ANO2: variants seen among roughly 807,000 people sequenced by gnomAD.
ANO2 encodes anoctamin-2.
ANO2 carries 101 observed loss-of-function variants against 124.2 expected under a neutral mutation model. That is an observed-to-expected ratio of 0.81 (90% CI 0.69 to 0.96). The LOEUF is 0.96. Among genes scored for constraint, ANO2 ranks in the 40% least tolerant of loss-of-function variants. The pLI, the probability that ANO2 is intolerant of heterozygous loss-of-function variation, is 0.00. For synonymous variants in ANO2, 486 were observed against 482.5 expected, an observed-to-expected ratio of 1.01 and a Z score of -0.09; for missense variants, 1,293 against 1,274.5, an observed-to-expected ratio of 1.01 and a Z score of -0.22.
In ANO2 at chr12:5,670,721, A is replaced by G. The variant is rs1240521512; in HGVS notation, c.1546-22920T>C. Among the ~76,000 whole-genome samples the G allele has an allele frequency of 2.0e-5, 3 of 151,888 alleles. No homozygotes were observed. In the East Asian group the frequency reaches 5.8e-4, roughly 29 times the overall value. ...GGCTAATTTTTTTTTAAAAAATGTT[A>G]TAGAGATGAGGTCTCTTCATGTTGC... On this transcript the variant is annotated intron_variant, in intron 14 of 24. Transcript: ENST00000682330.
intron 20 of ANO2, among the ~76,000 whole-genome samples, chr12:5,587,603 C>T (rs970508369): frequency 6.6e-6 from 1 of 152,166 alleles, no homozygotes; most frequent in African/African-American, 2.4e-5. Flanking sequence ...TCTCTTGGGC[C>T]AGTTTTCTTT....
intron 10 of ANO2, among the ~76,000 whole-genome samples, chr12:5,778,449 T>C (rs757816525): frequency 6.6e-6 from 1 of 152,202 alleles, no homozygotes; most frequent in South Asian, 2.1e-4. Flanking sequence ...AATAAATAAA[T>C]GAAAGAATAA....
At chr12:5,591,859 C>T (rs1158054) in intron 20 of ANO2, among the ~76,000 whole-genome samples, 28,116 of 152,010 alleles carry the variant, frequency 0.18, 3,196 homozygotes, top group East Asian at 0.34. Flanking sequence ...GACACCACAG[C>T]GCTGCCCCGG....
chr12:5,572,451 C>A (rs1942181642), intron 23 of ANO2, among the ~76,000 whole-genome samples: 1 of 152,220 alleles, frequency 6.6e-6, no homozygotes. Flanking sequence ...TGAAAATCCC[C>A]TAAACACTTA....
intron 14 of ANO2, among the ~76,000 whole-genome samples, chr12:5,718,645 T>C (rs1383363270): frequency 2.6e-5 from 4 of 152,236 alleles, no homozygotes; most frequent in African/African-American, 9.6e-5. Context: ...TAATACATAA[T>C]GTAAGCAGAG....
At position 5,635,419 on chromosome 12, in the gene ANO2, A is replaced by G. The variant is rs1378022869; in HGVS notation, c.1621-72T>C. On this transcript the variant is annotated intron_variant, in intron 15 of 24. Coordinates refer to ENST00000682330, the MANE Select transcript of ANO2 (RefSeq NM_001364791.2). This position sits in a 1 kb window ranked among gnomAD's most constrained non-coding sequence, Gnocchi z 5.2. The stretch of plus-strand genomic sequence containing the variant: ...AGCACCTACTATTTGCTCTGCCAAC[A>G]GTACCATTTGCTGTTATCAGATATT... 4.9e-6 allele frequency: 6 copies of G among 1,216,114 alleles called. No individual in the cohort carries two copies. Among genetic ancestry groups the G allele is most frequent in the Non-Finnish European group, 6.6e-6 (6 of 907,848 alleles). 75.3% of individuals were successfully genotyped at this position (1,216,114 alleles called of 1,614,324 possible). A position where few individuals can be genotyped will look rare whatever the true frequency, so the allele number is the denominator to read the frequency against.
At chr12:5,695,815 T>G (rs1949149521) in intron 14 of ANO2, among the ~76,000 whole-genome samples, 1 of 152,208 alleles carries the variant, frequency 6.6e-6, no homozygotes, top group African/African-American at 2.4e-5. Flanking sequence ...CACTTCAGCC[T>G]GGGTGACAGA....
intron 1 of ANO2, among the ~76,000 whole-genome samples, chr12:5,924,612 C>T (rs1941992825): frequency 6.6e-6 from 1 of 152,236 alleles, no homozygotes; most frequent in South Asian, 2.1e-4. Flanking sequence ...CTGAGTCAGG[C>T]AAGACGCTGC....
intron 14 of ANO2, among the ~76,000 whole-genome samples, chr12:5,669,394 T>G (rs1246618861): frequency 6.6e-6 from 1 of 152,168 alleles, no homozygotes; most frequent in African/African-American, 2.4e-5. Context: ...TGATTGTGTA[T>G]CCTGAGACTT....
At chr12:5,716,752 A>C (rs1950039821) in intron 14 of ANO2, among the ~76,000 whole-genome samples, 1 of 152,176 alleles carries the variant, frequency 6.6e-6, no homozygotes, top group African/African-American at 2.4e-5. Flanking sequence ...CTTCCTGGAG[A>C]ATCACGAAGC....
At chr12:5,667,215 T>A (rs573787314) in intron 14 of ANO2, among the ~76,000 whole-genome samples, 5 of 152,310 alleles carry the variant, frequency 3.3e-5, no homozygotes, top group African/African-American at 1.2e-4. Flanking sequence ...CAGACTTTAG[T>A]GAGTTCTATG....
chr12:5,766,454 G>A (rs1951893232), intron 10 of ANO2, among the ~76,000 whole-genome samples: 1 of 152,190 alleles, frequency 6.6e-6, no homozygotes, highest in African/African-American at 2.4e-5. Flanking sequence ...AGATACCAGA[G>A]TATATATGTA....
rs370339493 is a variant in ANO2 at position 5,704,100 on chromosome 12, C to T, written c.1545+28420G>A. On this transcript the variant is annotated intron_variant, in intron 14 of 24. Transcript: ENST00000682330. ...TGAGTGCTATTTTTGAGGTTTTTCA[C>T]GCTTAGATCAAAAGAACAAAAAGAT... Among the ~76,000 whole-genome samples, 22 of 152,098 alleles carry T rather than the reference C, an allele frequency of 1.4e-4. No individual in the cohort carries two copies. In the East Asian group the frequency reaches 1.5e-3, roughly 11 times the overall value.
At chr12:5,664,841 G>A (rs930644950) in intron 14 of ANO2, among the ~76,000 whole-genome samples, 4 of 152,188 alleles carry the variant, frequency 2.6e-5, no homozygotes, top group Non-Finnish European at 4.4e-5. Context: ...GGAAAGGCTT[G>A]GAGAAGTCCT....
At chr12:5,799,924 C>T (rs1161477183) in intron 9 of ANO2, among the ~76,000 whole-genome samples, 1 of 152,216 alleles carries the variant, frequency 6.6e-6, no homozygotes, top group Non-Finnish European at 1.5e-5. Context: ...GGCACTGTCC[C>T]CACACTGGAT....
chr12:5,800,071 G>A (rs1336891591), intron 9 of ANO2, among the ~76,000 whole-genome samples: 1 of 152,342 alleles, frequency 6.6e-6, no homozygotes, highest in East Asian at 1.9e-4. Context: ...AGGGAGAGGA[G>A]TAGGGTGCTG....
At chr12:5,669,856 T>A (rs1267646239) in intron 14 of ANO2, among the ~76,000 whole-genome samples, 1 of 152,212 alleles carries the variant, frequency 6.6e-6, no homozygotes, top group Non-Finnish European at 1.5e-5. Flanking sequence ...GTGATCTTAC[T>A]CACCTTTCAC....
intron 23 of ANO2, among the ~76,000 whole-genome samples, chr12:5,574,223 A>G (rs896310463): frequency 2.0e-5 from 3 of 152,158 alleles, no homozygotes; most frequent in African/African-American, 7.2e-5. Context: ...CAGGGTACAA[A>G]TGGGTTGAAT....
chr12:5,576,188 G>A (rs1049181263), intron 22 of ANO2, among the ~76,000 whole-genome samples, 173 bp from the exon 23 acceptor site: 2 of 152,182 alleles, frequency 1.3e-5, no homozygotes, highest in Non-Finnish European at 2.9e-5. Context: ...TCTTTGATGT[G>A]TATAAGTATA....
Sources: allele counts gnomAD v4.1 joint callset (sites outside exome capture counted in the v4.1 genomes callset), GRCh38; gene constraint gnomAD v4.1.1; non-coding constraint Gnocchi (gnomAD v3.1); transcripts MANE v1.5; gene names NCBI Gene and HGNC (gene_info 2026-07-23, HGNC 2026-07-21).